The following UBR3 variants were observed in gnomAD, a reference collection of about 807,000 sequenced individuals.
UBR3 encodes the protein ubiquitin protein ligase E3 component n-recognin 3, also known as E3 ubiquitin-protein ligase UBR3.
In UBR3, 85 loss-of-function variants were observed where a neutral mutation model predicts 243.2. The ratio of observed to expected loss-of-function variants is 0.35; its 90% CI spans 0.29 to 0.42. The LOEUF (loss-of-function observed/expected upper bound fraction) is 0.42. Among genes scored for constraint, UBR3 ranks in the 10% least tolerant of loss-of-function variants. The pLI is 1.00. For synonymous variants in UBR3, 748 were observed against 799.8 expected, an observed-to-expected ratio of 0.94 and a Z score of 1.09; for missense variants, 1,686 against 2,300.8, an observed-to-expected ratio of 0.73 and a Z score of 5.47.
At chr2:169,920,325 G>C (rs997026076) in intron 11 of UBR3, among the ~76,000 whole-genome samples, 4 of 152,110 alleles carry the variant, frequency 2.6e-5, no homozygotes, top group Admixed American at 1.3e-4. Flanking sequence ...GTGGGGTGGA[G>C]GGAGGGGAGA....
chr2:170,067,343 C>G (rs1024257555), intron 35 of UBR3, among the ~76,000 whole-genome samples: 1 of 152,120 alleles, frequency 6.6e-6, no homozygotes, highest in African/African-American at 2.4e-5. Flanking sequence ...AACATATATG[C>G]ACAAAATAAC....
At chr2:170,055,116 AG>A (rs1214468833) in intron 32 of UBR3, among the ~76,000 whole-genome samples, 2 of 152,184 alleles carry the variant, frequency 1.3e-5, no homozygotes, top group African/African-American at 2.4e-5. Flanking sequence ...TGGGCAACAT[AG>A]GGAGGCCCCA....
chr2:170,077,778 G>T (rs1223624839), intron 36 of UBR3: 2 of 252,018 alleles, frequency 7.9e-6, no homozygotes, highest in African/African-American at 4.6e-5. Flanking sequence ...TAAAGACAGG[G>T]TTTCACCATG....
At chr2:169,876,072 T>C (rs2083591902) in intron 3 of UBR3, 123 bp downstream of exon 3, 1 of 878,764 alleles carries the variant, frequency 1.1e-6, no homozygotes. Context: ...CTGGAAGTTA[T>C]TAAGAGAACT....
intron 5 of UBR3, among the ~76,000 whole-genome samples, chr2:169,880,992 T>C (rs1242630671): frequency 1.3e-5 from 2 of 152,186 alleles, no homozygotes; most frequent in Admixed American, 6.5e-5. Flanking sequence ...TGTTCCTTAA[T>C]TATGATCATG....
chr2:169,974,260 T>C (rs1264327808), intron 24 of UBR3, among the ~76,000 whole-genome samples: 3 of 152,238 alleles, frequency 2.0e-5, no homozygotes, highest in African/African-American at 7.2e-5. Flanking sequence ...TTCTTTAACA[T>C]TTTGGCAGAA....
intron 28 of UBR3, 106 bp from the exon 29 acceptor site, chr2:170,008,698 T>A (rs1412838148): frequency 8.3e-6 from 5 of 605,986 alleles, no homozygotes; most frequent in Non-Finnish European, 1.3e-5. Flanking sequence ...TTTTGACTTT[T>A]TAATTTTAAT....
intron 24 of UBR3, among the ~76,000 whole-genome samples, chr2:169,975,342 T>G (rs1288061270): frequency 6.6e-6 from 1 of 152,248 alleles, no homozygotes; most frequent in African/African-American, 2.4e-5. Flanking sequence ...TAAATTCCAT[T>G]AAGTTTGTTG....
At chr2:169,883,854 GA>G (rs1401095035) in intron 5 of UBR3, among the ~76,000 whole-genome samples, 1 of 152,174 alleles carries the variant, frequency 6.6e-6, no homozygotes, top group Admixed American at 6.5e-5. Flanking sequence ...TTTATTTTGA[GA>G]CAGAGTCTTA....
intron 1 of UBR3, among the ~76,000 whole-genome samples, chr2:169,863,932 C>A (rs2083170547): frequency 6.6e-6 from 1 of 152,198 alleles, no homozygotes; most frequent in Non-Finnish European, 1.5e-5. Context: ...TCCTTCATGT[C>A]ATTTTGGCCT....
intron 2 of UBR3, among the ~76,000 whole-genome samples, 197 bp downstream of exon 2, chr2:169,872,572 T>G (rs1362328963): frequency 1.3e-5 from 2 of 152,148 alleles, no homozygotes; most frequent in Non-Finnish European, 2.9e-5. Flanking sequence ...TAGATGTAGT[T>G]TCGTGCTTTC....
chr2:169,889,327 A>G (rs1292923481), intron 5 of UBR3, among the ~76,000 whole-genome samples: 1 of 152,180 alleles, frequency 6.6e-6, no homozygotes, highest in Non-Finnish European at 1.5e-5. Flanking sequence ...TCATATTGCC[A>G]TGACCATCAC....
At chr2:170,066,555 C>T (rs549731723) in intron 35 of UBR3, among the ~76,000 whole-genome samples, 1 of 152,166 alleles carries the variant, frequency 6.6e-6, no homozygotes, top group African/African-American at 2.4e-5. Flanking sequence ...AATATATCTC[C>T]TTTTTTTCTT....
chr2:169,896,451 T>C, intron 7 of UBR3, 56 bp from the exon 8 acceptor site: 5 of 1,147,492 alleles, frequency 4.4e-6, no homozygotes, highest in Non-Finnish European at 6.0e-6. Context: ...TGAAAATGAT[T>C]TTAAATTAAA....
At chr2:169,910,013 G>A (rs1365135262) in intron 10 of UBR3, among the ~76,000 whole-genome samples, 1 of 152,114 alleles carries the variant, frequency 6.6e-6, no homozygotes, top group Non-Finnish European at 1.5e-5. Context: ...TACAAAGCTA[G>A]TAAAGACTGA....
At chr2:170,037,424 G>C (rs10182586) in intron 31 of UBR3, among the ~76,000 whole-genome samples, 124,428 of 151,858 alleles carry the variant, frequency 0.82, 52,201 homozygotes, top group South Asian at 0.92. Context: ...GTCTTGCTCT[G>C]TTACCCAGGC....
chr2:169,838,462 C>T (rs1191764816), intron 1 of UBR3, among the ~76,000 whole-genome samples: 1 of 145,884 alleles, frequency 6.9e-6, no homozygotes, highest in Admixed American at 6.9e-5. Context: ...GTGAGGCCTT[C>T]TTGCATACTC....
chr2:169,839,042 C>G (rs984603578), intron 1 of UBR3, among the ~76,000 whole-genome samples: 6 of 152,150 alleles, frequency 3.9e-5, no homozygotes, highest in Admixed American at 2.6e-4. Context: ...AAAGGGAAAT[C>G]AATATATGGA....
chr2:170,048,255 C>G (rs917642404), intron 32 of UBR3, among the ~76,000 whole-genome samples: 12 of 152,100 alleles, frequency 7.9e-5, no homozygotes, highest in Non-Finnish European at 1.5e-4. Flanking sequence ...CAATACACCC[C>G]TTCCCCAAAG....
Sources: gnomAD v4.1 joint callset for allele counts (sites outside exome capture counted in the v4.1 genomes callset) on GRCh38, gnomAD v4.1.1 for gene constraint, MANE v1.5 for transcripts, NCBI Gene and HGNC (gene_info 2026-07-23, HGNC 2026-07-21) for gene names.